The following RPS14 variants were observed in gnomAD, a reference collection of about 807,000 sequenced individuals.
RPS14 encodes ribosomal protein S14, also known as small ribosomal subunit protein uS11.
In RPS14, 1 loss-of-function variant was observed where a neutral mutation model predicts 15.4. That is an observed-to-expected ratio of 0.07 (90% CI 0.02 to 0.31). The LOEUF (loss-of-function observed/expected upper bound fraction) is 0.31, where lower values mean the gene tolerates loss of function less well. Ranked by LOEUF, RPS14 falls within the 10% of genes least tolerant of loss-of-function variation. The probability of loss-of-function intolerance (pLI) is 1.00; values close to 1 mark genes in which losing one functional copy is unlikely to be tolerated. For missense variants in RPS14, 69 were observed against 205.5 expected, an observed-to-expected ratio of 0.34 and a Z score of 4.06; for synonymous variants, 68 against 74.4, an observed-to-expected ratio of 0.91 and a Z score of 0.44.
chr5:150,445,238 C>G (rs1771058181), intron 4 of RPS14, among the ~76,000 whole-genome samples: 1 of 152,158 alleles, frequency 6.6e-6, no homozygotes, highest in South Asian at 2.1e-4. Flanking sequence ...GACTGGCATG[C>G]CCAACTGATA....
At chr5:150,444,452 G>T in intron 4 of RPS14, 99 bp from the exon 5 acceptor site, 1 of 962,590 alleles carries the variant, frequency 1.0e-6, no homozygotes, top group Non-Finnish European at 1.6e-6. Context: ...AACAGATCCT[G>T]CTGCTCCCCA....
intron 4 of RPS14, chr5:150,444,710 G>C (rs976075693): frequency 4.2e-6 from 2 of 476,636 alleles, no homozygotes; most frequent in Non-Finnish European, 8.2e-6. Context: ...AAAAGACACT[G>C]AAAAAAAGTC....
At position 150,444,182 on chromosome 5, in the gene RPS14, G is replaced by A; in HGVS notation, c.*104C>T. 1 of 1,479,716 alleles carries A rather than the reference G, an allele frequency of 6.8e-7. No homozygotes were observed. 91.7% of individuals were successfully genotyped at this position (1,479,716 alleles called of 1,614,324 possible). On this transcript the variant is annotated 3_prime_UTR_variant, in exon 5 of 5. Coordinates refer to ENST00000407193, the MANE Select transcript of RPS14 (RefSeq NM_005617.4). Reference sequence around the variant, plus strand: ...CTCCCAAGAAGCCAAATAGGAGGAAGAAATCAAATGCCTGAGTAGCCCCTG... The same window carrying A: ...CTCCCAAGAAGCCAAATAGGAGGAAAAAATCAAATGCCTGAGTAGCCCCTG...
chr5:150,449,451 G>C (rs1023051146), intron 1 of RPS14: 2 of 152,224 alleles, frequency 1.3e-5, no homozygotes, highest in Non-Finnish European at 2.9e-5. Flanking sequence ...CCGTATTGCG[G>C]GGCCGAGGCC....
Position 150,446,529 on chromosome 5 carries a change from C to T in RPS14, c.311+273G>A, listed in dbSNP as rs2748242. On this transcript the variant is annotated intron_variant, in intron 3 of 4. Transcript: ENST00000407193. The surrounding 1 kb of genome is among the most constrained non-coding windows in gnomAD (Gnocchi z 4.2). The stretch of plus-strand genomic sequence containing the variant: ...GCTCTGTTGTTTAAAGTCTGACTCT[C>T]CCACCAGCCTCGGTCCCACACAAGG... 0.036 allele frequency among the ~76,000 whole-genome samples: 5,480 copies of T among 152,244 alleles called. 313 individuals are homozygous for T. The highest frequency in any genetic ancestry group is 0.11 in the African/African-American group (4,643 of 41,500).
rs1161910922 is a variant in RPS14, at chr5:150,446,822, G to A, written c.291C>T (p.Leu97=). The part of the protein sequence containing the change: ...ELGITALHIK[L]RATGGNRTKT... ...CGTACCTATTTCCTCCTGTGGCCCG[G>A]AGTTTGATGTGTAGGGCGGTGATAC... The change falls in exon 3 of 5, where the codon CTC becomes CTT. Residue 97 remains leucine, a synonymous_variant. Coordinates refer to ENST00000407193, the MANE Select transcript of RPS14 (RefSeq NM_005617.4). This position sits in a 1 kb window ranked among gnomAD's most constrained non-coding sequence, Gnocchi z 4.2. The A allele has an allele frequency of 5.6e-6, 9 of 1,614,016 alleles. No individual in the cohort carries two copies. The highest frequency in any genetic ancestry group is 1.3e-5 in the African/African-American group (1 of 74,916).
chr5:150,449,232 T>G (rs1043015099), intron 1 of RPS14: 1 of 152,156 alleles, frequency 6.6e-6, no homozygotes, highest in Non-Finnish European at 1.5e-5. Context: ...GTGCGAGAGT[T>G]TTCCCTGCTT....
Position 150,443,821 on chromosome 5 carries a change from C to A in RPS14, c.*465G>T, listed in dbSNP as rs1771009986. The A allele has an allele frequency of 6.6e-6, 1 of 152,532 alleles. No individual in the cohort carries two copies. The highest frequency in any genetic ancestry group is 2.1e-4 in the South Asian group (1 of 4,840). The allele number at this position is 152,532 out of a possible 1,614,324, so 9.4% of individuals were successfully genotyped here. ...ATGTACTTTATGTACTGATGTGGAACAATCTCCAAGATCTGCCAAGTGAAA... is the reference window on the plus strand; with the variant it reads ...ATGTACTTTATGTACTGATGTGGAAAAATCTCCAAGATCTGCCAAGTGAAA... On this transcript the variant is annotated 3_prime_UTR_variant, in exon 5 of 5. Coordinates refer to ENST00000407193, the MANE Select transcript of RPS14 (RefSeq NM_005617.4).
rs1771111413 is a variant in RPS14 at position 150,446,785 on chromosome 5, C to G, written c.311+17G>C. ...GCAGGTTTTCTACCACCCAGCCATC[C>G]CCTCTGCGACTCGTACCTATTTCCT... On this transcript the variant is annotated intron_variant, in intron 3 of 4. Transcript: ENST00000407193. This position sits in a 1 kb window ranked among gnomAD's most constrained non-coding sequence, Gnocchi z 4.2. The G allele has an allele frequency of 1.9e-6, 3 of 1,610,022 alleles. No individual in the cohort carries two copies. The South Asian group carries it at 3.3e-5, about 18-fold the overall frequency.
chr5:150,445,667 A>G lies in RPS14; in HGVS notation c.330T>C (p.Pro110=). The G allele has an allele frequency of 6.2e-7, 1 of 1,609,872 alleles. No individual in the cohort carries two copies. The highest frequency in any genetic ancestry group is 8.5e-7 in the Non-Finnish European group (1 of 1,179,006). ...TGGNRTKTPG[P]GAQSALRALA... ...GGGCTCTGAGGGCCGACTGGGCCCC[A>G]GGTCCAGGGGTCTTGGTCCTAGAAA... Residue 110 remains proline (P), a synonymous_variant, in exon 4 of 5, where the codon CCT becomes CCC. Coordinates refer to ENST00000407193, the MANE Select transcript of RPS14 (RefSeq NM_005617.4).
rs13164105 is a variant in RPS14, at chr5:150,446,503, T to A, written c.311+299A>T. ...CAAATGAAAACCACATACTCCCTGG[T>A]GCTCTGTTGTTTAAAGTCTGACTCT... On this transcript the variant is annotated intron_variant, in intron 3 of 4. Coordinates refer to ENST00000407193, the MANE Select transcript of RPS14 (RefSeq NM_005617.4). This position sits in a 1 kb window ranked among gnomAD's most constrained non-coding sequence, Gnocchi z 4.2. Among the ~76,000 whole-genome samples the A allele has an allele frequency of 0.22, 32,763 of 152,064 alleles. 4,193 individuals carry two copies. The highest frequency in any genetic ancestry group is 0.4 in the South Asian group (1,935 of 4,822).
chr5:150,448,553 G>GT (rs1771172076), intron 1 of RPS14: 1 of 152,144 alleles, frequency 6.6e-6, no homozygotes, highest in Non-Finnish European at 1.5e-5. Flanking sequence ...TGAACCTCCT[G>GT]GTGTTCAGAA....
rs17656930 is a variant in RPS14, at chr5:150,447,569, C to T, written c.149+16G>A. The stretch of plus-strand genomic sequence containing the variant: ...AGCCTTTTGCCAGCTGGATGCCTCT[C>T]CACCCAGGTACTCACTTGCCAGAAA... On this transcript the variant is annotated intron_variant, in intron 2 of 4. Coordinates refer to ENST00000407193, the MANE Select transcript of RPS14 (RefSeq NM_005617.4). 0.029 allele frequency: 46,819 copies of T among 1,611,826 alleles called. 764 individuals carry two copies. The highest frequency in any genetic ancestry group is 0.033 in the Non-Finnish European group (39,006 of 1,179,434).
intron 4 of RPS14, 124 bp from the exon 5 acceptor site, chr5:150,444,477 A>C: frequency 1.3e-6 from 1 of 763,422 alleles, no homozygotes; most frequent in South Asian, 1.5e-5. Context: ...ACTCCCCAGT[A>C]CCTAACAGAT....
rs567692822 is a variant in RPS14, at chr5:150,446,743, T to TC, written c.311+58dup. On this transcript the variant is annotated intron_variant, in intron 3 of 4. Coordinates refer to ENST00000407193, the MANE Select transcript of RPS14 (RefSeq NM_005617.4). This position sits in a 1 kb window ranked among gnomAD's most constrained non-coding sequence, Gnocchi z 4.2. Reference sequence around the variant, plus strand: ...AAACCCAAACCTCAAATCCAGGTGCTCCAGCACCCAAGCCCAGCAGGTTTT... The same window carrying TC: ...AAACCCAAACCTCAAATCCAGGTGCTCCCAGCACCCAAGCCCAGCAGGTTTT... 2.1e-4 allele frequency: 332 copies of TC among 1,572,868 alleles called. No homozygotes were observed. The African/African-American group carries it at 4.1e-3, about 19-fold the overall frequency.
At position 150,447,396 on chromosome 5, in the gene RPS14, G is replaced by A. The variant is rs115201569; in HGVS notation, c.149+189C>T. 1,922 of 640,516 alleles carry A rather than the reference G, an allele frequency of 3.0e-3. 25 individuals are homozygous for A. In the African/African-American group the frequency reaches 0.031, roughly 10 times the overall value. The allele number at this position is 640,516 out of a possible 1,614,324, so 39.7% of individuals were successfully genotyped here. ...TCAATGACCATCACGCTGTAAGGAC[G>A]AAGAATGTGTCTCCTCTCTTGTAAC... On this transcript the variant is annotated intron_variant, in intron 2 of 4. Coordinates refer to ENST00000407193, the MANE Select transcript of RPS14 (RefSeq NM_005617.4).
In RPS14 at chr5:150,442,661, C is replaced by CT. The variant is rs960238410; in HGVS notation, c.*1624dup. 2.6e-5 allele frequency: 4 copies of CT among 152,070 alleles called. No individual in the cohort carries two copies. The highest frequency in any genetic ancestry group is 9.7e-5 in the African/African-American group (4 of 41,398). The allele number at this position is 152,070 out of a possible 1,614,324, so 9.4% of individuals were successfully genotyped here. On this transcript the variant is annotated 3_prime_UTR_variant, in exon 5 of 5. Transcript: ENST00000407193. ...ACATTACTACTAGCTTTATTCCAGA[C>CT]TTTAACTCCAGACTTTATTCATATT...
intron 4 of RPS14, among the ~76,000 whole-genome samples, chr5:150,445,249 T>C (rs1458152808): frequency 6.6e-6 from 1 of 152,172 alleles, no homozygotes; most frequent in Non-Finnish European, 1.5e-5. Context: ...CCAACTGATA[T>C]TTAGTAGGCG....
chr5:150,445,635 C>T lies in RPS14; in HGVS notation c.362G>A (p.Arg121His), dbSNP rs768413585. 5 of 1,612,172 alleles carry T rather than the reference C, an allele frequency of 3.1e-6. No homozygotes were observed. The highest frequency in any genetic ancestry group is 1.3e-5 in the African/African-American group (1 of 74,686). Residue 121 changes from arginine (R) to histidine (H), a missense_variant, in exon 4 of 5, where the codon CGC becomes CAC. Transcript: ENST00000407193. Reference sequence around the variant, plus strand: ...AATCCGCCCGATCTTCATACCCGAGCGGGCAAGGGCTCTGAGGGCCGACTG... The same window carrying T: ...AATCCGCCCGATCTTCATACCCGAGTGGGCAAGGGCTCTGAGGGCCGACTG... ...GAQSALRALA[R>H]SGMKIGRIED...
Sources: allele counts gnomAD v4.1 joint callset (sites outside exome capture counted in the v4.1 genomes callset), GRCh38; gene constraint gnomAD v4.1.1; non-coding constraint Gnocchi (gnomAD v3.1); transcripts MANE v1.5; gene names NCBI Gene and HGNC (gene_info 2026-07-23, HGNC 2026-07-21).